The following CFAP61 variants were observed in gnomAD, a reference collection of about 807,000 sequenced individuals.
CFAP61 encodes cilia and flagella associated protein 61.
CFAP61 carries 107 observed loss-of-function variants against 135.6 expected under a neutral mutation model. The ratio of observed to expected loss-of-function variants is 0.79; its 90% CI spans 0.67 to 0.93. The LOEUF (loss-of-function observed/expected upper bound fraction) is 0.93, where lower values mean the gene tolerates loss of function less well. Among genes scored for constraint, CFAP61 ranks in the 40% least tolerant of loss-of-function variants. The pLI, the probability that CFAP61 is intolerant of heterozygous loss-of-function variation, is 0.00. For missense variants in CFAP61, 1,507 were observed against 1,556.2 expected (o/e 0.97, Z 0.53); for synonymous variants, 575 against 578.5 (o/e 0.99, Z 0.09).
rs2056539032 is a variant in CFAP61, at chr20:20,200,186, C to G, written c.1932+284C>G. ...CCCAGGACAAAAGGCCTAGAGTCAT[C>G]CTCCAGCATATTTTCATTTTCTTTC... On this transcript the variant is annotated intron_variant, in intron 17 of 26. Coordinates refer to ENST00000245957, the MANE Select transcript of CFAP61 (RefSeq NM_015585.4). 3.9e-5 allele frequency among the ~76,000 whole-genome samples: 6 copies of G among 152,376 alleles called. No individual in the cohort carries two copies. The South Asian group carries it at 1.2e-3, about 32-fold the overall frequency.
intron 25 of CFAP61, among the ~76,000 whole-genome samples, chr20:20,301,595 G>A (rs2056111870): frequency 6.6e-6 from 1 of 152,096 alleles, no homozygotes; most frequent in South Asian, 2.1e-4. Context: ...ATCCTCCTAG[G>A]GCTTTAATGT....
At chr20:20,222,368 A>G (rs1477949076) in intron 17 of CFAP61, among the ~76,000 whole-genome samples, 1 of 152,220 alleles carries the variant, frequency 6.6e-6, no homozygotes, top group South Asian at 2.1e-4. Flanking sequence ...AGAGGCTACC[A>G]TGGCCCACTC....
chr20:20,356,589 ACT>A (rs2059185811), intron 26 of CFAP61, among the ~76,000 whole-genome samples: 2 of 50,274 alleles, frequency 4.0e-5, no homozygotes, highest in Non-Finnish European at 4.0e-5. Flanking sequence ...AGGTGGTCAC[ACT>A]GGGGAGGTGG....
chr20:20,267,994 G>C (rs2052930025), intron 21 of CFAP61, among the ~76,000 whole-genome samples: 1 of 152,242 alleles, frequency 6.6e-6, no homozygotes, highest in African/African-American at 2.4e-5. Context: ...ATGATGGAAA[G>C]CAAGGAGCAG....
In CFAP61 at chr20:20,064,537, G is replaced by C. The variant is rs75080851; in HGVS notation, c.144-6317G>C. On this transcript the variant is annotated intron_variant, in intron 2 of 26. Coordinates refer to ENST00000245957, the MANE Select transcript of CFAP61 (RefSeq NM_015585.4). Reference sequence around the variant, plus strand: ...TGACTCATGGGCAGCAGCATCTACAGTGTGGATCTGCTGGACAGTTCCTGG... The same window carrying C: ...TGACTCATGGGCAGCAGCATCTACACTGTGGATCTGCTGGACAGTTCCTGG... 3.6e-4 allele frequency among the ~76,000 whole-genome samples: 55 copies of C among 152,290 alleles called. No homozygotes were observed. The South Asian group carries it at 0.011, about 31-fold the overall frequency.
chr20:20,307,067 C>A (rs572801998), intron 25 of CFAP61, among the ~76,000 whole-genome samples: 1 of 152,278 alleles, frequency 6.6e-6, no homozygotes, highest in South Asian at 2.1e-4. Context: ...ATCCATAGCC[C>A]CCGCCCTTGT....
intron 13 of CFAP61, among the ~76,000 whole-genome samples, chr20:20,183,672 C>A (rs909242749): frequency 7.6e-5 from 2 of 26,356 alleles, no homozygotes; most frequent in East Asian, 4.6e-4. Context: ...CCATTATATC[C>A]AAAATATTAT....
At chr20:20,125,490 G>A (rs1370700699) in intron 8 of CFAP61, among the ~76,000 whole-genome samples, 1 of 151,688 alleles carries the variant, frequency 6.6e-6, no homozygotes, top group Non-Finnish European at 1.5e-5. Flanking sequence ...GCTCATTCAG[G>A]AGCAGTTTAT....
intron 13 of CFAP61, among the ~76,000 whole-genome samples, chr20:20,186,962 A>C (rs1038883149): frequency 6.6e-6 from 1 of 152,182 alleles, no homozygotes; most frequent in Non-Finnish European, 1.5e-5. Context: ...TGGGGCAGTC[A>C]GTCTCTCCTT....
At chr20:20,147,760 T>C (rs2052016908) in intron 9 of CFAP61, among the ~76,000 whole-genome samples, 1 of 152,190 alleles carries the variant, frequency 6.6e-6, no homozygotes, top group South Asian at 2.1e-4. Context: ...GTCCAATTTA[T>C]TTGTTGGTTT....
At chr20:20,349,257 T>C (rs2058747450) in intron 26 of CFAP61, among the ~76,000 whole-genome samples, 1 of 152,230 alleles carries the variant, frequency 6.6e-6, no homozygotes, top group African/African-American at 2.4e-5. Flanking sequence ...ATTTGGCTCA[T>C]GGTTCTGCAG....
intron 20 of CFAP61, among the ~76,000 whole-genome samples, chr20:20,257,620 C>CAAAAAAAAAAAAAAA (rs147860452): frequency 5.2e-5 from 3 of 58,244 alleles, no homozygotes; most frequent in Admixed American, 2.0e-4. Context: ...TCAAAAAAAA[C>CAAAAAAAAAAAAAAA]AAAAAAACAA....
chr20:20,207,981 C>T (rs1181258498), intron 17 of CFAP61, among the ~76,000 whole-genome samples: 3 of 152,170 alleles, frequency 2.0e-5, no homozygotes, highest in Admixed American at 6.5e-5. Flanking sequence ...GTGTGATTTT[C>T]GTGGCCACAC....
At chr20:20,207,267 C>T (rs113608069) in intron 17 of CFAP61, among the ~76,000 whole-genome samples, 6,195 of 152,214 alleles carry the variant, frequency 0.041, 166 homozygotes, top group Middle Eastern at 0.11. Context: ...CTTTGTTTGA[C>T]CCACCTTTAG....
At chr20:20,272,747 T>A (rs762223526) in intron 21 of CFAP61, among the ~76,000 whole-genome samples, 8 of 152,180 alleles carry the variant, frequency 5.3e-5, no homozygotes, top group Non-Finnish European at 1.2e-4. Context: ...TTCAGGAAGA[T>A]CTGTTTCTCT....
chr20:20,265,737 C>G, intron 21 of CFAP61: 1 of 470,132 alleles, frequency 2.1e-6, no homozygotes, highest in South Asian at 3.3e-5. Context: ...GAAACCTGAC[C>G]TGGCCAAGTT....
rs540358802 is a variant in CFAP61 at position 20,134,730 on chromosome 20, G to A, written c.860-8127G>A. On this transcript the variant is annotated intron_variant, in intron 8 of 26. Transcript: ENST00000245957. Reference sequence around the variant, plus strand: ...ACTATCAAGGATGATTTCAGAAACTGGGTAGATGGTGGAACCATTTTGTGA... The same window carrying A: ...ACTATCAAGGATGATTTCAGAAACTAGGTAGATGGTGGAACCATTTTGTGA... Among the ~76,000 whole-genome samples the A allele has an allele frequency of 4.6e-5, 7 of 152,292 alleles. No individual in the cohort carries two copies. In the South Asian group the frequency reaches 1.5e-3, roughly 32 times the overall value.
chr20:20,228,660 T>C (rs576766883), intron 18 of CFAP61: 120 of 261,852 alleles, frequency 4.6e-4, no homozygotes, highest in African/African-American at 2.4e-3. Context: ...TGTGCTACAA[T>C]AGCAGATTAG....
At chr20:20,346,267 A>G (rs1261137134) in intron 26 of CFAP61, among the ~76,000 whole-genome samples, 1 of 147,328 alleles carries the variant, frequency 6.8e-6, no homozygotes, top group African/African-American at 2.5e-5. Flanking sequence ...CTGTAATCCC[A>G]GCACTTTGGG....
Sources: allele counts gnomAD v4.1 joint callset (sites outside exome capture counted in the v4.1 genomes callset), GRCh38; gene constraint gnomAD v4.1.1; transcripts MANE v1.5; gene names NCBI Gene and HGNC (gene_info 2026-07-23, HGNC 2026-07-21).